The following KIAA1549 variants were observed in gnomAD, a reference collection of about 807,000 sequenced individuals.
KIAA1549 encodes KIAA1549, also known as UPF0606 protein KIAA1549.
A neutral mutation model predicts 156.4 loss-of-function variants in KIAA1549; 70 were observed. That is an observed-to-expected ratio of 0.45 (90% confidence interval 0.37 to 0.55). The LOEUF is 0.55. Among genes scored for constraint, KIAA1549 ranks in the 20% least tolerant of loss-of-function variants. The probability of loss-of-function intolerance (pLI) is 0.00; values close to 1 mark genes in which losing one functional copy is unlikely to be tolerated. For synonymous variants in KIAA1549, 1,103 were observed against 1,066.4 expected, an observed-to-expected ratio of 1.03 and a Z score of -0.67; for missense variants, 2,428 against 2,540.9, an observed-to-expected ratio of 0.96 and a Z score of 0.96.
intron 1 of KIAA1549, among the ~76,000 whole-genome samples, chr7:138,949,147 G>A (rs773769326): frequency 2.6e-5 from 4 of 152,104 alleles, no homozygotes; most frequent in African/African-American, 4.8e-5. Context: ...CGAAAAAATC[G>A]TTTTGAGACA....
At chr7:138,849,289 T>C (rs1237217723) in intron 17 of KIAA1549, among the ~76,000 whole-genome samples, 2 of 152,200 alleles carry the variant, frequency 1.3e-5, no homozygotes, top group East Asian at 3.9e-4. Flanking sequence ...ATCTACTTCC[T>C]TTACATTTAA....
intron 2 of KIAA1549, among the ~76,000 whole-genome samples, chr7:138,915,994 C>G (rs1168759660): frequency 6.6e-6 from 1 of 152,222 alleles, no homozygotes; most frequent in Non-Finnish European, 1.5e-5. Flanking sequence ...AAGCTGCTGG[C>G]CAGTCTGCTA....
At chr7:138,902,826 G>A (rs937217245) in intron 8 of KIAA1549, among the ~76,000 whole-genome samples, 1 of 151,746 alleles carries the variant, frequency 6.6e-6, no homozygotes, top group Admixed American at 6.6e-5. Context: ...AAGAAAGAAA[G>A]AAAAAAGCTC....
In KIAA1549 at chr7:138,947,137, G is replaced by C. The variant is rs187286031; in HGVS notation, c.188-27699C>G. Among the ~76,000 whole-genome samples, 4 of 152,296 alleles carry C rather than the reference G, an allele frequency of 2.6e-5. No individual in the cohort carries two copies. The East Asian group carries it at 7.7e-4, about 29-fold the overall frequency. ...GTATAGAACCACTGTTCATCCAGTT[G>C]AGCAGCTGAGTTTCTTGGGTAATCT... On this transcript the variant is annotated intron_variant, in intron 1 of 19. Coordinates refer to ENST00000422774, the MANE Select transcript of KIAA1549 (RefSeq NM_001164665.2).
intron 9 of KIAA1549, among the ~76,000 whole-genome samples, chr7:138,895,504 T>C (rs1365169146): frequency 2.0e-5 from 3 of 152,028 alleles, no homozygotes; most frequent in Admixed American, 6.5e-5. Context: ...GAAAACATCA[T>C]GATAATGGAA....
At chr7:138,972,784 C>T (rs1305580181) in intron 1 of KIAA1549, among the ~76,000 whole-genome samples, 2 of 152,086 alleles carry the variant, frequency 1.3e-5, no homozygotes, top group Admixed American at 6.6e-5. Flanking sequence ...TGAGGTCCTT[C>T]CTTCTACTTC....
intron 10 of KIAA1549, among the ~76,000 whole-genome samples, chr7:138,891,721 T>C: frequency 6.6e-6 from 1 of 151,916 alleles, no homozygotes; most frequent in East Asian, 1.9e-4. Flanking sequence ...TCCGAGAGTA[T>C]GGTGAGGCGC....
At chr7:138,914,459 G>A (rs1055369799) in intron 2 of KIAA1549, among the ~76,000 whole-genome samples, 1 of 152,220 alleles carries the variant, frequency 6.6e-6, no homozygotes, top group Non-Finnish European at 1.5e-5. Context: ...GCAGGCAAGT[G>A]CTTCCTCCGC....
chr7:138,934,103 G>A (rs1410703297), intron 1 of KIAA1549, among the ~76,000 whole-genome samples: 2 of 152,146 alleles, frequency 1.3e-5, no homozygotes, highest in African/African-American at 2.4e-5. Flanking sequence ...AATTGGAACC[G>A]AAGGGTGACT....
chr7:138,907,096 T>C lies in KIAA1549; in HGVS notation c.3283A>G (p.Asn1095Asp). The change falls in exon 6 of 20, where the codon AAT (asparagine) becomes GAT (aspartate). Residue 1095 changes from asparagine (N) to aspartate (D), a missense_variant. By Grantham distance (23) the Asn-to-Asp change is conservative (BLOSUM62 1). Transcript: ENST00000422774. ...ACCCTTGAGGAACTGATGGTGATATTCAAGATCTGAAAGAATAAAGTCAGA... is the reference window on the plus strand; with the variant it reads ...ACCCTTGAGGAACTGATGGTGATATCCAAGATCTGAAAGAATAAAGTCAGA... ...GTYNLTVQIL[N>D]ITISSSRVTP... is the part of the protein sequence containing the mutation. The C allele has an allele frequency of 6.3e-7, 1 of 1,582,300 alleles. No homozygotes were observed. The highest frequency in any genetic ancestry group is 8.6e-7 in the Non-Finnish European group (1 of 1,168,416).
intron 1 of KIAA1549, among the ~76,000 whole-genome samples, chr7:138,920,263 G>A (rs1247621394): frequency 4.2e-5 from 2 of 48,144 alleles, no homozygotes; most frequent in African/African-American, 6.9e-4. Context: ...CCCTTCAGAT[G>A]CAGCACAGAT....
chr7:138,854,596 C>A (rs1004203585), intron 16 of KIAA1549, among the ~76,000 whole-genome samples: 4 of 151,946 alleles, frequency 2.6e-5, no homozygotes, highest in African/African-American at 9.7e-5. Context: ...AGTGATCAGG[C>A]TCCCCTTGGC....
chr7:138,956,944 C>T (rs1205709091), intron 1 of KIAA1549, among the ~76,000 whole-genome samples: 1 of 142,938 alleles, frequency 7.0e-6, no homozygotes, highest in Non-Finnish European at 1.5e-5. Context: ...TCTCTGTCCT[C>T]AAAAAACTAG....
intron 12 of KIAA1549, among the ~76,000 whole-genome samples, chr7:138,877,912 A>AG (rs1811132550): frequency 6.6e-6 from 1 of 152,182 alleles, no homozygotes; most frequent in Non-Finnish European, 1.5e-5. Context: ...TACCATCAGA[A>AG]GGCATTAAAT....
chr7:138,948,766 C>A (rs1044317848), intron 1 of KIAA1549, among the ~76,000 whole-genome samples: 4 of 151,076 alleles, frequency 2.6e-5, no homozygotes, highest in Non-Finnish European at 4.4e-5. Context: ...GATCTCGGCT[C>A]ACTGCAATCT....
chr7:138,911,006 T>G, intron 4 of KIAA1549, 140 bp downstream of exon 4: 1 of 708,778 alleles, frequency 1.4e-6, no homozygotes, highest in South Asian at 2.3e-5. Flanking sequence ...CATTCCAGCC[T>G]GGGCAACAGA....
intron 1 of KIAA1549, among the ~76,000 whole-genome samples, chr7:138,934,914 A>C (rs17160622): frequency 0.12 from 18,066 of 152,204 alleles, 1,617 homozygotes; most frequent in African/African-American, 0.25. Flanking sequence ...GCTCTTCAGC[A>C]CTGGCAAAAT....
At position 138,836,625 on chromosome 7, in the gene KIAA1549, A is replaced by C; in HGVS notation, c.*1281T>G. ...ACTGTTTTCTTTACCATTATTTGGA[A>C]AGTGGGGGAAATGTTTACATCAGGA... On this transcript the variant is annotated 3_prime_UTR_variant, in exon 20 of 20. Transcript: ENST00000422774. 4.6e-6 allele frequency: 1 copy of C among 218,976 alleles called. No homozygotes were observed. The highest frequency in any genetic ancestry group is 9.2e-6 in the Non-Finnish European group (1 of 109,034). 13.6% of individuals were successfully genotyped at this position (218,976 alleles called of 1,614,324 possible). A position where few individuals can be genotyped will look rare whatever the true frequency, so the allele number is the denominator to read the frequency against.
chr7:138,849,022 T>A (rs1192775423), intron 17 of KIAA1549, among the ~76,000 whole-genome samples: 1 of 152,162 alleles, frequency 6.6e-6, no homozygotes, highest in Admixed American at 6.5e-5. Flanking sequence ...CATGCACCAC[T>A]GCATCCAGCC....
Sources: allele counts gnomAD v4.1 joint callset (sites outside exome capture counted in the v4.1 genomes callset), GRCh38; gene constraint gnomAD v4.1.1; transcripts MANE v1.5; gene names NCBI Gene and HGNC (gene_info 2026-07-23, HGNC 2026-07-21).